CHL1: variants seen among roughly 807,000 people sequenced by gnomAD.
CHL1 encodes the protein neural cell adhesion molecule L1-like protein.
A neutral mutation model predicts 141.9 loss-of-function variants in CHL1; 96 were observed. That is an observed-to-expected ratio of 0.68 (90% CI 0.57 to 0.80). The LOEUF is 0.80. Ranked by LOEUF, CHL1 falls within the 30% of genes least tolerant of loss-of-function variation. CHL1 has a pLI of 0.00. For synonymous variants in CHL1, 613 were observed against 502.2 expected (o/e 1.22, Z -2.95); for missense variants, 1,820 against 1,457.2 (o/e 1.25, Z -4.05).
At chr3:398,191 TACAA>T in intron 24 of CHL1, 32 bp from the exon 25 acceptor site, 1 of 1,415,268 alleles carries the variant, frequency 7.1e-7, no homozygotes, top group Non-Finnish European at 9.5e-7. Flanking sequence ...TTTCCATGAT[TACAA>T]TTCACATGAT....
chr3:382,792 C>A, intron 18 of CHL1, 121 bp downstream of exon 18: 1 of 854,180 alleles, frequency 1.2e-6, no homozygotes. Flanking sequence ...ATAGTGTTAA[C>A]AGTTCTCTAA....
At chr3:391,251 A>G (rs1691344594) in intron 22 of CHL1, 92 bp downstream of exon 22, 2 of 1,013,720 alleles carry the variant, frequency 2.0e-6, no homozygotes, top group Admixed American at 2.0e-5. Context: ...ACAGTGGCTC[A>G]TGCCTGTAAA....
chr3:365,460 C>A (rs942426232), intron 14 of CHL1, among the ~76,000 whole-genome samples: 1 of 152,190 alleles, frequency 6.6e-6, no homozygotes, highest in African/African-American at 2.4e-5. Flanking sequence ...CAGTCACAGG[C>A]CCTACTTCCC....
chr3:306,600 G>C (rs1699247531), intron 2 of CHL1, among the ~76,000 whole-genome samples: 1 of 151,958 alleles, frequency 6.6e-6, no homozygotes, highest in Non-Finnish European at 1.5e-5. Flanking sequence ...AAAGTTTTTT[G>C]TATCACTGTT....
At chr3:273,832 C>T (rs141195248) in intron 2 of CHL1, among the ~76,000 whole-genome samples, 333 of 152,244 alleles carry the variant, frequency 2.2e-3, no homozygotes, top group African/African-American at 7.9e-3. Context: ...TTCCTAACTG[C>T]TCCAATCTAC....
intron 11 of CHL1, among the ~76,000 whole-genome samples, chr3:356,989 C>A (rs141614076): frequency 0.01 from 1,595 of 152,268 alleles, 8 homozygotes; most frequent in South Asian, 0.023. Flanking sequence ...AGGTAGGAGG[C>A]CATCTGAGAG....
At chr3:331,008 C>T (rs1391678709) in intron 5 of CHL1, among the ~76,000 whole-genome samples, 2 of 152,036 alleles carry the variant, frequency 1.3e-5, no homozygotes, top group Non-Finnish European at 2.9e-5. Context: ...CATTGTGGAA[C>T]AATTGATAAT....
intron 16 of CHL1, among the ~76,000 whole-genome samples, chr3:378,592 C>T (rs942313900): frequency 2.6e-5 from 4 of 152,198 alleles, no homozygotes; most frequent in African/African-American, 4.8e-5. Flanking sequence ...TCTCTACCAG[C>T]TCTTTGACCT....
chr3:400,952 A>G (rs888279465), intron 26 of CHL1, among the ~76,000 whole-genome samples: 82 of 116,486 alleles, frequency 7.0e-4, no homozygotes, highest in African/African-American at 2.6e-3. Context: ...CCCAGGCTGG[A>G]GTGCAGTGGT....
chr3:257,174 A>G (rs1264909772), intron 2 of CHL1, among the ~76,000 whole-genome samples: 2 of 152,186 alleles, frequency 1.3e-5, no homozygotes, highest in Non-Finnish European at 2.9e-5. Flanking sequence ...GGGATATCAA[A>G]TGATCATACG....
rs139841446 is a variant in CHL1 at position 212,630 on chromosome 3, C to G, written c.-175+15567C>G. On this transcript the variant is annotated intron_variant, in intron 1 of 27. Transcript: ENST00000256509. ...CTTCCTGAAAATTTCCCCTGGCTCCCTACTGCTTTGCAGGCCAAGTAACTG... is the reference window on the plus strand; with the variant it reads ...CTTCCTGAAAATTTCCCCTGGCTCCGTACTGCTTTGCAGGCCAAGTAACTG... Among the ~76,000 whole-genome samples, 702 of 152,330 alleles carry G rather than the reference C, an allele frequency of 4.6e-3. 1 individual carries two copies. The highest frequency in any genetic ancestry group is 7.1e-3 in the Non-Finnish European group (486 of 68,038).
intron 1 of CHL1, among the ~76,000 whole-genome samples, chr3:222,086 A>G (rs1700895512): frequency 6.6e-6 from 1 of 152,218 alleles, no homozygotes; most frequent in Admixed American, 6.5e-5. Flanking sequence ...TAAGTTCTTA[A>G]CTACACATTT....
At chr3:320,614 G>A (rs1031431320) in intron 3 of CHL1, among the ~76,000 whole-genome samples, 1 of 151,930 alleles carries the variant, frequency 6.6e-6, no homozygotes, top group African/African-American at 2.4e-5. Context: ...CTGAGCCCAG[G>A]AGTTCAAGAC....
intron 1 of CHL1, among the ~76,000 whole-genome samples, chr3:231,183 G>A (rs777986123): frequency 3.3e-5 from 5 of 152,064 alleles, no homozygotes; most frequent in Non-Finnish European, 5.9e-5. Context: ...CAAATTCCCT[G>A]GGAGGAGAAA....
intron 2 of CHL1, among the ~76,000 whole-genome samples, chr3:270,898 G>A (rs914819385): frequency 8.5e-5 from 13 of 152,190 alleles, no homozygotes; most frequent in African/African-American, 3.1e-4. Context: ...CAGTCTCAGG[G>A]TAGTTGAACT....
At chr3:294,804 T>C (rs1251814292) in intron 2 of CHL1, among the ~76,000 whole-genome samples, 4 of 152,212 alleles carry the variant, frequency 2.6e-5, no homozygotes, top group African/African-American at 9.6e-5. Context: ...ACAATTCAGA[T>C]TTTGAGCTAT....
At chr3:335,512 G>T (rs1336432548) in intron 5 of CHL1, among the ~76,000 whole-genome samples, 1 of 152,158 alleles carries the variant, frequency 6.6e-6, no homozygotes, top group East Asian at 1.9e-4. Context: ...GCACTCAGTA[G>T]CATGCAGTTG....
chr3:361,702 T>G lies in CHL1; in HGVS notation c.1310T>G (p.Val437Gly). 1.2e-6 allele frequency: 2 copies of G among 1,605,386 alleles called. No homozygotes were observed. Among genetic ancestry groups the G allele is most frequent in the South Asian group, 1.1e-5 (1 of 90,796 alleles). The change falls in exon 13 of 28, where the codon GTC (valine) becomes GGC (glycine). Residue 437 changes from valine to glycine, a missense_variant. Physicochemically the swap from Val to Gly is moderately radical, Grantham distance 109. Coordinates refer to ENST00000256509, the MANE Select transcript of CHL1 (RefSeq NM_006614.4). ...CGTTTATGTTATTTTCAAATAGATGTCCGTCCATTGATACAAACCAAAGAT... is the reference window on the plus strand; with the variant it reads ...CGTTTATGTTATTTTCAAATAGATGGCCGTCCATTGATACAAACCAAAGAT... ...LANANIDVVD[V>G]RPLIQTKDGE... is the part of the protein sequence containing the mutation.
intron 19 of CHL1, among the ~76,000 whole-genome samples, chr3:388,550 GAAA>G (rs11319131): frequency 1.4e-5 from 2 of 138,608 alleles, no homozygotes; most frequent in African/African-American, 5.8e-5. Flanking sequence ...TCCGTCTCAA[GAAA>G]AAAAAAAAAA....
Sources: allele counts gnomAD v4.1 joint callset (sites outside exome capture counted in the v4.1 genomes callset), GRCh38; gene constraint gnomAD v4.1.1; transcripts MANE v1.5; gene names NCBI Gene and HGNC (gene_info 2026-07-23, HGNC 2026-07-21).